Variants in CSNK1G1 observed in about 807,000 individuals in gnomAD.
The protein encoded by CSNK1G1 is casein kinase I isoform gamma-1.
In CSNK1G1, 22 loss-of-function variants were observed where a neutral mutation model predicts 59.6. The ratio of observed to expected loss-of-function variants is 0.37; its 90% CI spans 0.26 to 0.53. CSNK1G1 has a LOEUF of 0.53. CSNK1G1 is among the 20% of genes least tolerant of loss of function. CSNK1G1 has a pLI of 0.89. For missense variants in CSNK1G1, 384 were observed against 519.5 expected, an observed-to-expected ratio of 0.74 and a Z score of 2.54; for synonymous variants, 179 against 177.1, an observed-to-expected ratio of 1.01 and a Z score of -0.08.
At chr15:64,352,091 G>C (rs375972071) in intron 1 of CSNK1G1, among the ~76,000 whole-genome samples, 2 of 152,050 alleles carry the variant, frequency 1.3e-5, no homozygotes, top group African/African-American at 4.8e-5. Context: ...TGGATCACCT[G>C]AGGTCACGAG....
At position 64,263,329 on chromosome 15, in the gene CSNK1G1, C is replaced by T. The variant is rs1256282013; in HGVS notation, c.182-4088G>A. 3.3e-5 allele frequency among the ~76,000 whole-genome samples: 5 copies of T among 151,976 alleles called. No homozygotes were observed. The East Asian group carries it at 9.9e-4, about 30-fold the overall frequency. ...TCAGCCTCTGGAGCGGCTAGGATTA[C>T]AGGTGCGCGCCAACATGACCAACTA... On this transcript the variant is annotated intron_variant, in intron 2 of 11. Coordinates refer to ENST00000303052, the MANE Select transcript of CSNK1G1 (RefSeq NM_022048.5).
rs1005640381 is a variant in CSNK1G1, at chr15:64,167,030, G to C, written c.*4901C>G. The C allele has an allele frequency of 1.3e-5, 2 of 152,206 alleles. No individual in the cohort carries two copies. Among genetic ancestry groups the C allele is most frequent in the Admixed American group, 6.5e-5 (1 of 15,278 alleles). 9.4% of individuals were successfully genotyped at this position (152,206 alleles called of 1,614,324 possible). ...CTTGAAAGGTGATTTACAAATACCGGAAGTGGGTTTTCTGGTTGTGTTTTG... is the reference window on the plus strand; with the variant it reads ...CTTGAAAGGTGATTTACAAATACCGCAAGTGGGTTTTCTGGTTGTGTTTTG... On this transcript the variant is annotated 3_prime_UTR_variant, in exon 12 of 12. Coordinates refer to ENST00000303052, the MANE Select transcript of CSNK1G1 (RefSeq NM_022048.5).
At chr15:64,272,314 C>T (rs993216756) in intron 2 of CSNK1G1, among the ~76,000 whole-genome samples, 3 of 151,748 alleles carry the variant, frequency 2.0e-5, no homozygotes, top group Non-Finnish European at 2.9e-5. Flanking sequence ...CTCCTGGGTT[C>T]ATGCCATTCT....
rs889449798 is a variant in CSNK1G1, at chr15:64,170,288, G to A, written c.*1643C>T. The A allele has an allele frequency of 2.0e-5, 3 of 152,218 alleles. No individual in the cohort carries two copies. Among genetic ancestry groups the A allele is most frequent in the Non-Finnish European group, 4.4e-5 (3 of 68,066 alleles). 9.4% of individuals were successfully genotyped at this position (152,218 alleles called of 1,614,324 possible). ...TAGTACCTCATATGAAAACACCATG[G>A]GGGGAGGCCTAGGGCATACTGGGAA... On this transcript the variant is annotated 3_prime_UTR_variant, in exon 12 of 12. Coordinates refer to ENST00000303052, the MANE Select transcript of CSNK1G1 (RefSeq NM_022048.5).
intron 1 of CSNK1G1, among the ~76,000 whole-genome samples, chr15:64,325,988 C>CA (rs904129239): frequency 6.6e-6 from 1 of 152,176 alleles, no homozygotes; most frequent in Non-Finnish European, 1.5e-5. Context: ...CTTTGCATCT[C>CA]AGCTTTCAGT....
At position 64,223,107 on chromosome 15, in the gene CSNK1G1, G is replaced by A. The variant is rs150115222; in HGVS notation, c.293-6394C>T. On this transcript the variant is annotated intron_variant, in intron 4 of 11. Coordinates refer to ENST00000303052, the MANE Select transcript of CSNK1G1 (RefSeq NM_022048.5). ...AGTTCTACTCTGAGCCTGGTTTTTC[G>A]CAGGAGTGCCCATAAAGTGGTCTGT... 2.2e-3 allele frequency among the ~76,000 whole-genome samples: 336 copies of A among 152,050 alleles called. 1 individual carries two copies. Among genetic ancestry groups the A allele is most frequent in the African/African-American group, 7.4e-3 (305 of 41,464 alleles).
rs532981412 is a variant in CSNK1G1 at position 64,352,174 on chromosome 15, G to A, written c.-225+3814C>T. ...TACAAAAATTAGCCAGCATGGTGGC[G>A]CATGCCTATAGTTCCAGCTTATTCA... On this transcript the variant is annotated intron_variant, in intron 1 of 11. Coordinates refer to ENST00000303052, the MANE Select transcript of CSNK1G1 (RefSeq NM_022048.5). 1.6e-4 allele frequency among the ~76,000 whole-genome samples: 24 copies of A among 151,908 alleles called. No homozygotes were observed. In the South Asian group the frequency reaches 3.3e-3, roughly 21 times the overall value.
chr15:64,300,737 A>G lies in CSNK1G1; in HGVS notation c.-224-14T>C. Reference sequence around the variant, plus strand: ...ACATCTTGTAACCTAGGTAAAAATCAAGAAAACATGTAGTTAAAAATTAAA... The same window carrying G: ...ACATCTTGTAACCTAGGTAAAAATCGAGAAAACATGTAGTTAAAAATTAAA... On this transcript the variant is annotated splice_polypyrimidine_tract_variant and intron_variant, in intron 1 of 11. Transcript: ENST00000303052. 1 of 1,232,052 alleles carries G rather than the reference A, an allele frequency of 8.1e-7. No individual in the cohort carries two copies. The highest frequency in any genetic ancestry group is 1.0e-6 in the Non-Finnish European group (1 of 985,472). The allele number at this position is 1,232,052 out of a possible 1,614,324, so 76.3% of individuals were successfully genotyped here.
intron 4 of CSNK1G1, among the ~76,000 whole-genome samples, chr15:64,226,691 C>T (rs1235411780): frequency 6.6e-6 from 1 of 151,886 alleles, no homozygotes; most frequent in African/African-American, 2.4e-5. Context: ...GACATTTTTC[C>T]ACCTTCCTTA....
At chr15:64,347,894 T>C (rs971307353) in intron 1 of CSNK1G1, among the ~76,000 whole-genome samples, 24 of 151,452 alleles carry the variant, frequency 1.6e-4, no homozygotes, top group African/African-American at 5.3e-4. Context: ...TAATCCCAGC[T>C]ATTCGGGAGG....
chr15:64,180,462 A>G lies in CSNK1G1; in HGVS notation c.1108-8T>C, dbSNP rs1212668776. The G allele has an allele frequency of 1.2e-6, 2 of 1,609,510 alleles. No individual in the cohort carries two copies. Among genetic ancestry groups the G allele is most frequent in the African/African-American group, 2.7e-5 (2 of 74,820 alleles). ...ATTGGTTGAGCTAACCACCTGAAAC[A>G]GAAAGACAGAAGTGTGTGACAGGCA... On this transcript the variant is annotated splice_polypyrimidine_tract_variant and splice_region_variant and intron_variant, in intron 10 of 11. Transcript: ENST00000303052.
chr15:64,274,367 T>C (rs1893490728), intron 2 of CSNK1G1, among the ~76,000 whole-genome samples: 1 of 152,132 alleles, frequency 6.6e-6, no homozygotes, highest in African/African-American at 2.4e-5. Flanking sequence ...ATTACAAAGA[T>C]TATGTTAAAA....
intron 4 of CSNK1G1, among the ~76,000 whole-genome samples, chr15:64,226,679 T>G (rs1187220949): frequency 6.6e-6 from 1 of 152,140 alleles, no homozygotes; most frequent in East Asian, 1.9e-4. Flanking sequence ...AATCCAGTAT[T>G]TGACATTTTT....
intron 1 of CSNK1G1, among the ~76,000 whole-genome samples, chr15:64,332,027 G>C (rs1333104018): frequency 6.6e-6 from 1 of 151,422 alleles, no homozygotes; most frequent in African/African-American, 2.4e-5. Context: ...GGAAACAACA[G>C]GTGCTGGAGA....
chr15:64,324,733 G>T (rs145471564), intron 1 of CSNK1G1, among the ~76,000 whole-genome samples: 2 of 152,232 alleles, frequency 1.3e-5, no homozygotes, highest in East Asian at 3.9e-4. Context: ...TATTCTATTA[G>T]TTCTGTCCTT....
At chr15:64,270,433 G>A (rs997532675) in intron 2 of CSNK1G1, among the ~76,000 whole-genome samples, 1 of 151,934 alleles carries the variant, frequency 6.6e-6, no homozygotes, top group Non-Finnish European at 1.5e-5. Context: ...TTTTGATGTG[G>A]ACATTTATTG....
intron 2 of CSNK1G1, among the ~76,000 whole-genome samples, chr15:64,277,850 A>AT (rs1444325302): frequency 2.7e-3 from 367 of 135,522 alleles, no homozygotes; most frequent in Middle Eastern, 3.7e-3. Context: ...TATATTTAAT[A>AT]ATAATATTGA....
At position 64,281,039 on chromosome 15, in the gene CSNK1G1, C is replaced by T. The variant is rs148563713; in HGVS notation, c.181+19280G>A. 3.1e-3 allele frequency among the ~76,000 whole-genome samples: 473 copies of T among 152,094 alleles called. 1 individual carries two copies. The highest frequency in any genetic ancestry group is 0.011 in the African/African-American group (458 of 41,494). On this transcript the variant is annotated intron_variant, in intron 2 of 11. Coordinates refer to ENST00000303052, the MANE Select transcript of CSNK1G1 (RefSeq NM_022048.5). ...GGACTACAGGCACCCGCCACCACGC[C>T]CGGCTAATTTTTTGTATTTTTAGTA... is the stretch of plus-strand genomic sequence containing the variant.
At position 64,200,395 on chromosome 15, in the gene CSNK1G1, G is replaced by T. The variant is rs1271546014; in HGVS notation, c.1107+2687C>A. On this transcript the variant is annotated intron_variant, in intron 10 of 11. Transcript: ENST00000303052. The surrounding 1 kb of genome is among the most constrained non-coding windows in gnomAD (Gnocchi z 4.3). ...CTGGAGTGCAGTGGTGCCCAGGCTG[G>T]GGTGTAATGGTACCATCTCGTCTCA... is the stretch of plus-strand genomic sequence containing the variant. Among the ~76,000 whole-genome samples the T allele has an allele frequency of 6.6e-6, 1 of 152,122 alleles. No individual in the cohort carries two copies. Among genetic ancestry groups the T allele is most frequent in the Non-Finnish European group, 1.5e-5 (1 of 68,012 alleles).
Sources: allele counts gnomAD v4.1 joint callset (sites outside exome capture counted in the v4.1 genomes callset), GRCh38; gene constraint gnomAD v4.1.1; non-coding constraint Gnocchi (gnomAD v3.1); transcripts MANE v1.5; gene names NCBI Gene and HGNC (gene_info 2026-07-23, HGNC 2026-07-21).